PLEKHN1: variants seen among roughly 807,000 people sequenced by gnomAD.
PLEKHN1 encodes the protein pleckstrin homology domain containing N1.
PLEKHN1 carries 68 observed loss-of-function variants against 72.8 expected under a neutral mutation model. The ratio of observed to expected loss-of-function variants is 0.93; its 90% CI spans 0.77 to 1.14. PLEKHN1 has a LOEUF of 1.14. Ranked by LOEUF, PLEKHN1 falls within the 50% of genes most tolerant of loss-of-function variation. The probability of loss-of-function intolerance (pLI) is 0.00; values close to 1 mark genes in which losing one functional copy is unlikely to be tolerated. For missense variants in PLEKHN1, 1,015 were observed against 840.5 expected, an observed-to-expected ratio of 1.21 and a Z score of -2.57; for synonymous variants, 454 against 371.6, an observed-to-expected ratio of 1.22 and a Z score of -2.55.
chr1:966,641 T>C (rs1642994192), intron 1 of PLEKHN1, 27 bp downstream of exon 1: 2 of 1,598,628 alleles, frequency 1.3e-6, no homozygotes, highest in East Asian at 2.3e-5. Context: ...TGCGGCCACC[T>C]GGGCGCAGGG....
rs918244238 is a variant in PLEKHN1 at position 967,239 on chromosome 1, C to T, written c.183+436C>T. Among the ~76,000 whole-genome samples, 6 of 152,262 alleles carry T rather than the reference C, an allele frequency of 3.9e-5. No individual in the cohort carries two copies. The South Asian group carries it at 1.0e-3, about 26-fold the overall frequency. On this transcript the variant is annotated intron_variant, in intron 2 of 15. Coordinates refer to ENST00000379410, the MANE Select transcript of PLEKHN1 (RefSeq NM_032129.3). ...GCAGGAAGTTGCCGCTGGGTATGGC[C>T]GCCTGGTCCACAGCAATCCCTCTGT...
Position 974,450 on chromosome 1 carries a change from T to C in PLEKHN1, c.1711T>C (p.Ser571Pro). Residue 571 changes from serine to proline, a missense_variant, in exon 16 of 16, where the codon TCC becomes CCC. By Grantham distance (74) the Ser-to-Pro change is moderately conservative. Transcript: ENST00000379410. Reference sequence around the variant, plus strand: ...TCTGCCTTCCCTACCAGATGGTCGGTCCCCCAGGAGGAGCCGGGACCCCGG... The same window carrying C: ...TCTGCCTTCCCTACCAGATGGTCGGCCCCCCAGGAGGAGCCGGGACCCCGG... ...EPWLPLTDGR[S>P]PRRSRDPGYD... The C allele has an allele frequency of 6.2e-7, 1 of 1,612,626 alleles. No individual in the cohort carries two copies. The highest frequency in any genetic ancestry group is 8.5e-7 in the Non-Finnish European group (1 of 1,179,900).
At chr1:971,873 C>T (rs1226502429) in intron 8 of PLEKHN1, among the ~76,000 whole-genome samples, 2 of 152,246 alleles carry the variant, frequency 1.3e-5, no homozygotes, top group Non-Finnish European at 2.9e-5. Context: ...GTGTCTGCCC[C>T]TAGCCGGCGA....
At position 971,304 on chromosome 1, in the gene PLEKHN1, CCCCACCCCCA is replaced by C; in HGVS notation, c.709-12_709-3del. On this transcript the variant is annotated splice_polypyrimidine_tract_variant and intron_variant, in intron 7 of 15. Transcript: ENST00000379410. ...GCAGCTCAGTTCCCTCATCGCCTGACCCCACCCCCACCCACCCAGGAGCAGTGGGACCGGC... is the reference window on the plus strand; with the variant it reads ...GCAGCTCAGTTCCCTCATCGCCTGACCCCACCCAGGAGCAGTGGGACCGGC... The C allele has an allele frequency of 6.6e-7, 1 of 1,524,504 alleles. No homozygotes were observed. The highest frequency in any genetic ancestry group is 1.9e-5 in the Admixed American group (1 of 53,384). The allele number at this position is 1,524,504 out of a possible 1,614,324, so 94.4% of individuals were successfully genotyped here. A position where few individuals can be genotyped will look rare whatever the true frequency, so the allele number is the denominator to read the frequency against.
At chr1:967,861 T>A (rs963806652) in intron 2 of PLEKHN1, among the ~76,000 whole-genome samples, 2 of 152,184 alleles carry the variant, frequency 1.3e-5, no homozygotes, top group African/African-American at 4.8e-5. Context: ...TGGGGGGTCC[T>A]ATGAGGTGTG....
Sources: allele counts gnomAD v4.1 joint callset (sites outside exome capture counted in the v4.1 genomes callset), GRCh38; gene constraint gnomAD v4.1.1; transcripts MANE v1.5; gene names NCBI Gene and HGNC (gene_info 2026-07-23, HGNC 2026-07-21).